The following HTR3B variants were observed in gnomAD, a reference collection of about 807,000 sequenced individuals.
HTR3B encodes 5-hydroxytryptamine (serotonin) receptor 3B, ionotropic.
Under a neutral mutation model 42.8 loss-of-function variants are expected in HTR3B, and 44 were observed. The observed-to-expected ratio is 1.03, with a 90% CI of 0.81 to 1.32. The LOEUF is 1.32. Ranked by LOEUF, HTR3B falls within the 40% of genes most tolerant of loss-of-function variation. The probability of loss-of-function intolerance (pLI) is 0.00; values close to 1 mark genes in which losing one functional copy is unlikely to be tolerated. For missense variants in HTR3B, 527 were observed against 536.5 expected, an observed-to-expected ratio of 0.98 and a Z score of 0.17; for synonymous variants, 203 against 209.0, an observed-to-expected ratio of 0.97 and a Z score of 0.25.
chr11:113,931,242 T>C, intron 2 of HTR3B, 142 bp from the exon 3 acceptor site: 1 of 656,232 alleles, frequency 1.5e-6, no homozygotes. Flanking sequence ...TGCCTAGGTA[T>C]TGAAGAGTCT....
rs1950179838 is a variant in HTR3B, at chr11:113,946,332, C to G, written c.*195C>G. 1 of 440,738 alleles carries G rather than the reference C, an allele frequency of 2.3e-6. No individual in the cohort carries two copies. 27.3% of individuals were successfully genotyped at this position (440,738 alleles called of 1,614,324 possible). A position where few individuals can be genotyped will look rare whatever the true frequency, so the allele number is the denominator to read the frequency against. Reference sequence around the variant, plus strand: ...CCAGAGCAACATAGTGAGACCACATCTCTACCAGTAAATAAATAAATAAAT... The same window carrying G: ...CCAGAGCAACATAGTGAGACCACATGTCTACCAGTAAATAAATAAATAAAT... On this transcript the variant is annotated 3_prime_UTR_variant, in exon 9 of 9. Coordinates refer to ENST00000260191, the MANE Select transcript of HTR3B (RefSeq NM_006028.5).
At chr11:113,930,794 G>T (rs72997471) in intron 2 of HTR3B, among the ~76,000 whole-genome samples, 22,360 of 152,036 alleles carry the variant, frequency 0.15, 1,726 homozygotes, top group Non-Finnish European at 0.15. Context: ...CAGCCAGGAG[G>T]GTTTTTTAAA....
chr11:113,902,277 G>A (rs1177769911), upstream of HTR3B, among the ~76,000 whole-genome samples: 1 of 152,028 alleles, frequency 6.6e-6, no homozygotes, highest in Non-Finnish European at 1.5e-5. Context: ...TCAACATGAT[G>A]TGCCCTGTTT....
chr11:113,940,313 C>T (rs2137534701), intron 6 of HTR3B, among the ~76,000 whole-genome samples: 1 of 152,302 alleles, frequency 6.6e-6, no homozygotes, highest in Non-Finnish European at 1.5e-5. Flanking sequence ...CATTTCTACC[C>T]TCCAGAGTCA....
intron 6 of HTR3B, among the ~76,000 whole-genome samples, chr11:113,938,446 G>A (rs540270061): frequency 6.6e-6 from 1 of 151,960 alleles, no homozygotes; most frequent in South Asian, 2.1e-4. Flanking sequence ...GTCCATTCTG[G>A]GGCAAAATTT....
intron 6 of HTR3B, among the ~76,000 whole-genome samples, chr11:113,936,308 A>G (rs577364732): frequency 2.1e-4 from 32 of 152,302 alleles, no homozygotes; most frequent in African/African-American, 7.5e-4. Context: ...AACCGAGCCC[A>G]ACCACAGATA....
At chr11:113,939,438 C>T (rs59890665) in intron 6 of HTR3B, among the ~76,000 whole-genome samples, 2 of 152,322 alleles carry the variant, frequency 1.3e-5, no homozygotes, top group East Asian at 3.9e-4. Flanking sequence ...GTGCAGGGCC[C>T]TTTCAAGAGC....
At chr11:113,922,957 A>G (rs1410571186) in intron 2 of HTR3B, among the ~76,000 whole-genome samples, 1 of 152,212 alleles carries the variant, frequency 6.6e-6, no homozygotes, top group African/African-American at 2.4e-5. Flanking sequence ...TCATATTCAT[A>G]TTTTCCATAA....
At chr11:113,935,494 C>A (rs1174927160) in intron 6 of HTR3B, among the ~76,000 whole-genome samples, 1 of 129,140 alleles carries the variant, frequency 7.7e-6, no homozygotes, top group African/African-American at 2.6e-5. Flanking sequence ...GACTCAGGAG[C>A]AATTCTGCAG....
At chr11:113,934,375 G>A (rs1345111331) in intron 6 of HTR3B, among the ~76,000 whole-genome samples, 2 of 139,746 alleles carry the variant, frequency 1.4e-5, no homozygotes, top group African/African-American at 5.4e-5. Flanking sequence ...AAGGAAGGAA[G>A]GAAGGATGGA....
chr11:113,912,494 C>T (rs913556516), intron 2 of HTR3B, among the ~76,000 whole-genome samples: 5 of 152,188 alleles, frequency 3.3e-5, no homozygotes, highest in Non-Finnish European at 7.3e-5. Context: ...CCACCCGCCT[C>T]GGCCTCCCAA....
intron 4 of HTR3B, among the ~76,000 whole-genome samples, chr11:113,932,086 T>C (rs530650447): frequency 6.6e-6 from 1 of 152,358 alleles, no homozygotes; most frequent in East Asian, 1.9e-4. Context: ...TGTGTTGTTA[T>C]AGCAGCAAAT....
At chr11:113,929,105 C>T (rs1274299177) in intron 2 of HTR3B, among the ~76,000 whole-genome samples, 3 of 152,196 alleles carry the variant, frequency 2.0e-5, no homozygotes, top group Non-Finnish European at 2.9e-5. Flanking sequence ...TTTTCCACAG[C>T]AGCTGCACCA....
intron 6 of HTR3B, among the ~76,000 whole-genome samples, chr11:113,938,581 G>A (rs981839392): frequency 6.6e-6 from 1 of 152,158 alleles, no homozygotes; most frequent in Non-Finnish European, 1.5e-5. Flanking sequence ...GATAGTACCA[G>A]ACAACCTGTT....
chr11:113,931,821 C>G lies in HTR3B; in HGVS notation c.322C>G (p.Leu108Val). Residue 108 changes from leucine to valine, a missense_variant, in exon 4 of 9, where the codon CTA (leucine) becomes GTA (valine). Coordinates refer to ENST00000260191, the MANE Select transcript of HTR3B (RefSeq NM_006028.5). The part of the protein sequence containing the change: ...SMFDEIREIS[L>V]PLSAIWAPDI... ...GTTTGATGAGATTAGAGAGATCTCC[C>G]TACCTCTAAGTGCCATCTGGGCCCC... is the stretch of plus-strand genomic sequence containing the variant. 1 of 1,611,788 alleles carries G rather than the reference C, an allele frequency of 6.2e-7. No homozygotes were observed.
At chr11:113,936,868 T>C (rs79891665) in intron 6 of HTR3B, among the ~76,000 whole-genome samples, 2,220 of 152,250 alleles carry the variant, frequency 0.015, 58 homozygotes, top group African/African-American at 0.051. Context: ...AAGGAGGCAA[T>C]TACAGGCTAA....
At chr11:113,901,446 GAAA>G (rs1245564709), upstream of HTR3B, among the ~76,000 whole-genome samples, 1 of 135,396 alleles carries the variant, frequency 7.4e-6, no homozygotes, top group Non-Finnish European at 1.6e-5. Context: ...GCCTCTTAGG[GAAA>G]AAAAAAAAAA....
intron 6 of HTR3B, among the ~76,000 whole-genome samples, chr11:113,937,746 G>A (rs1314783605): frequency 1.3e-5 from 2 of 152,236 alleles, no homozygotes; most frequent in Admixed American, 1.3e-4. Context: ...TAAAGGCAGT[G>A]CAGTATATTC....
chr11:113,914,667 A>G (rs1334616870), intron 2 of HTR3B, among the ~76,000 whole-genome samples: 1 of 151,322 alleles, frequency 6.6e-6, no homozygotes, highest in Admixed American at 6.6e-5. Context: ...ATTGAATTTT[A>G]TTTTCTAATT....
Sources: gnomAD v4.1 joint callset for allele counts (sites outside exome capture counted in the v4.1 genomes callset) on GRCh38, gnomAD v4.1.1 for gene constraint, MANE v1.5 for transcripts, NCBI Gene and HGNC (gene_info 2026-07-23, HGNC 2026-07-21) for gene names.